Variants in HAVCR2 observed in about 807,000 individuals in gnomAD.
HAVCR2 encodes the protein T cell immunoglobulin mucin 3.
A neutral mutation model predicts 24.7 loss-of-function variants in HAVCR2; 13 were observed. That is an observed-to-expected ratio of 0.53 (90% confidence interval 0.34 to 0.84). The LOEUF (loss-of-function observed/expected upper bound fraction) is 0.84, where lower values mean the gene tolerates loss of function less well. Among genes scored for constraint, HAVCR2 ranks in the 40% least tolerant of loss-of-function variants. HAVCR2 has a pLI of 0.01. For synonymous variants in HAVCR2, 154 were observed against 143.4 expected, an observed-to-expected ratio of 1.07 and a Z score of -0.53; for missense variants, 343 against 371.2, an observed-to-expected ratio of 0.92 and a Z score of 0.62.
At position 157,108,999 on chromosome 5, in the gene HAVCR2, A is replaced by C. The variant is rs1467400769; in HGVS notation, c.-16T>G. On this transcript the variant is annotated 5_prime_UTR_variant, in exon 1 of 7. Coordinates refer to ENST00000307851, the MANE Select transcript of HAVCR2 (RefSeq NM_032782.5). ...GTGAAAACATGGAGCTTGCAGAAGA[A>C]AAGTCAGAGGACACCTCTGTTAGGC... The C allele has an allele frequency of 4.3e-6, 7 of 1,613,794 alleles. No individual in the cohort carries two copies. Among genetic ancestry groups the C allele is most frequent in the Non-Finnish European group, 5.9e-6 (7 of 1,179,786 alleles).
intron 5 of HAVCR2, among the ~76,000 whole-genome samples, chr5:157,090,225 G>T (rs925632441): frequency 6.8e-6 from 1 of 147,880 alleles, no homozygotes; most frequent in Non-Finnish European, 1.5e-5. Flanking sequence ...GAACTCCTGG[G>T]CTCAAGGGAT....
intron 5 of HAVCR2, 89 bp from the exon 6 acceptor site, chr5:157,089,066 G>A: frequency 6.0e-6 from 7 of 1,174,990 alleles, no homozygotes; most frequent in Non-Finnish European, 8.7e-6. Context: ...AGCACGCATA[G>A]TTTAGGGAAA....
intron 4 of HAVCR2, among the ~76,000 whole-genome samples, chr5:157,098,126 G>A (rs1420769112): frequency 2.0e-5 from 3 of 151,940 alleles, no homozygotes; most frequent in Non-Finnish European, 4.4e-5. Flanking sequence ...ACAAAATTAG[G>A]CCAGGTGCCA....
At chr5:157,095,568 C>G (rs1205871599) in intron 4 of HAVCR2, 109 bp from the exon 5 acceptor site, 206 of 1,189,948 alleles carry the variant, frequency 1.7e-4, no homozygotes, top group Non-Finnish European at 1.6e-5. Context: ...CACAGGATGG[C>G]TGAGTCCTTC....
chr5:157,092,702 T>A (rs1757022376), intron 5 of HAVCR2, among the ~76,000 whole-genome samples: 2 of 151,652 alleles, frequency 1.3e-5, no homozygotes, highest in South Asian at 4.2e-4. Context: ...CACCTCGGCC[T>A]CCCAAAGTGC....
chr5:157,091,699 C>T (rs182375518), intron 5 of HAVCR2, among the ~76,000 whole-genome samples: 14 of 152,092 alleles, frequency 9.2e-5, no homozygotes, highest in Non-Finnish European at 5.9e-5. Context: ...ATAGCATAAA[C>T]AGAAAAGGAG....
At position 157,106,956 on chromosome 5, in the gene HAVCR2, G is replaced by A; in HGVS notation, c.65C>T (p.Ser22Leu). The change falls in exon 2 of 7, where the codon TCA becomes TTA. Residue 22 changes from serine to leucine, a missense_variant. Ser to Leu is a moderately radical substitution (Grantham distance 145, BLOSUM62 -2). Coordinates refer to ENST00000307851, the MANE Select transcript of HAVCR2 (RefSeq NM_032782.5). The stretch of plus-strand genomic sequence containing the variant: ...GACCTCCGCTCTGTATTCCACTTCT[G>A]AGGACCCTGCATAGAGAGAGAAGGA... ...LLLLLLLTRS[S>L]EVEYRAEVGQ... 1.9e-6 allele frequency: 3 copies of A among 1,611,892 alleles called. No individual in the cohort carries two copies. The highest frequency in any genetic ancestry group is 2.5e-6 in the Non-Finnish European group (3 of 1,178,672).
At position 157,106,894 on chromosome 5, in the gene HAVCR2, C is replaced by G. The variant is rs763316244; in HGVS notation, c.127G>C (p.Ala43Pro). 1.2e-6 allele frequency: 2 copies of G among 1,614,164 alleles called. No homozygotes were observed. The highest frequency in any genetic ancestry group is 4.5e-5 in the East Asian group (2 of 44,882). The change falls in exon 2 of 7, where the codon GCC becomes CCC. Residue 43 changes from alanine to proline, a missense_variant. Transcript: ENST00000307851. ...ACGGGCACGAGGTTCCCTGGGGCGG[C>G]TGGGGTGTAGAAGCAGGGCAGATAG... ...NAYLPCFYTP[A>P]APGNLVPVCW...
chr5:157,101,809 T>A (rs904713842), intron 3 of HAVCR2, among the ~76,000 whole-genome samples: 2 of 151,300 alleles, frequency 1.3e-5, no homozygotes, highest in African/African-American at 4.9e-5. Flanking sequence ...GGTCTCGCTC[T>A]GTTGCCCAGG....
intron 2 of HAVCR2, 70 bp downstream of exon 2, chr5:157,106,557 C>T: frequency 7.4e-7 from 1 of 1,344,774 alleles, no homozygotes; most frequent in East Asian, 2.3e-5. Flanking sequence ...GAGATGAGAA[C>T]AATCAGTACC....
chr5:157,092,386 C>T (rs1354980957), intron 5 of HAVCR2, among the ~76,000 whole-genome samples: 1 of 151,942 alleles, frequency 6.6e-6, no homozygotes, highest in African/African-American at 2.4e-5. Context: ...TATTTAAGCC[C>T]AGGAGTTTGA....
In HAVCR2 at chr5:157,106,713, G is replaced by A. The variant is rs971874704; in HGVS notation, c.308C>T (p.Ala103Val). 6.2e-7 allele frequency: 1 copy of A among 1,614,216 alleles called. No homozygotes were observed. The highest frequency in any genetic ancestry group is 8.5e-7 in the Non-Finnish European group (1 of 1,180,030). The change falls in exon 2 of 7, where the codon GCA becomes GTA. Residue 103 changes from alanine to valine, a missense_variant. By Grantham distance (64) the Ala-to-Val change is moderately conservative (BLOSUM62 0). Coordinates refer to ENST00000307851, the MANE Select transcript of HAVCR2 (RefSeq NM_032782.5). ...CCGGCAGCAGTAGATCCCACTGTCT[G>A]CTAGAGTCACATTCTCTATGGTCAG... Reference protein sequence around the residue: ...VSLTIENVTLADSGIYCCRIQ... With the variant: ...VSLTIENVTLVDSGIYCCRIQ...
intron 5 of HAVCR2, among the ~76,000 whole-genome samples, chr5:157,094,020 TTCA>T (rs1757054854): frequency 6.6e-6 from 1 of 151,886 alleles, no homozygotes; most frequent in Non-Finnish European, 1.5e-5. Flanking sequence ...TCCATCAAAA[TTCA>T]TCAACTTCAA....
At chr5:157,097,144 T>A (rs1240451871) in intron 4 of HAVCR2, among the ~76,000 whole-genome samples, 2 of 152,088 alleles carry the variant, frequency 1.3e-5, no homozygotes, top group Non-Finnish European at 2.9e-5. Context: ...CACTGTTTGA[T>A]TGCAAAGAGA....
chr5:157,087,315 G>C (rs199771811), intron 6 of HAVCR2, 21 bp from the exon 7 acceptor site: 3 of 1,589,066 alleles, frequency 1.9e-6, no homozygotes, highest in Admixed American at 1.9e-5. Flanking sequence ...AAAGTGTTGC[G>C]GTTGAGTTAA....
intron 5 of HAVCR2, among the ~76,000 whole-genome samples, chr5:157,093,107 A>G (rs199520252): frequency 9.3e-4 from 123 of 132,950 alleles, no homozygotes; most frequent in African/African-American, 4.3e-3. Flanking sequence ...GTATACATAT[A>G]TATACATATA....
intron 5 of HAVCR2, among the ~76,000 whole-genome samples, chr5:157,089,702 A>C (rs114188666): frequency 0.019 from 2,861 of 152,290 alleles, 47 homozygotes; most frequent in Non-Finnish European, 0.027. Context: ...TTCTGAAATG[A>C]GTCAGCCAAG....
intron 4 of HAVCR2, 45 bp from the exon 5 acceptor site, chr5:157,095,504 CGCTTGTGTAA>C: frequency 6.2e-7 from 1 of 1,608,710 alleles, no homozygotes; most frequent in South Asian, 1.1e-5. Context: ...AGCTAGAAAT[CGCTTGTGTAA>C]TCAGCTTCAA....
At chr5:157,096,692 G>C (rs756469733) in intron 4 of HAVCR2, among the ~76,000 whole-genome samples, 1 of 152,036 alleles carries the variant, frequency 6.6e-6, no homozygotes, top group African/African-American at 2.4e-5. Flanking sequence ...CAGGACAATC[G>C]CTTGAACCCA....
Sources: gnomAD v4.1 joint callset for allele counts (sites outside exome capture counted in the v4.1 genomes callset) on GRCh38, gnomAD v4.1.1 for gene constraint, MANE v1.5 for transcripts, NCBI Gene and HGNC (gene_info 2026-07-23, HGNC 2026-07-21) for gene names.